SVEP1: variants seen among roughly 807,000 people sequenced by gnomAD.
The protein encoded by SVEP1 is sushi, von Willebrand factor type A, EGF and pentraxin domain containing 1.
In SVEP1, 164 loss-of-function variants were observed where a neutral mutation model predicts 367.3. That is an observed-to-expected ratio of 0.45 (90% CI 0.39 to 0.51). The LOEUF (loss-of-function observed/expected upper bound fraction) is 0.51, where lower values mean the gene tolerates loss of function less well. SVEP1 is among the 20% of genes least tolerant of loss of function. The probability of loss-of-function intolerance (pLI) is 0.00; values close to 1 mark genes in which losing one functional copy is unlikely to be tolerated. For synonymous variants in SVEP1, 1,666 were observed against 1,611.6 expected (o/e 1.03, Z -0.81); for missense variants, 4,117 against 4,425.3 (o/e 0.93, Z 1.98).
At chr9:110,489,539 T>A in intron 9 of SVEP1, 111 bp downstream of exon 9, 1 of 1,037,586 alleles carries the variant, frequency 9.6e-7, no homozygotes. Context: ...AAGACCCACC[T>A]CTATGATTCA....
In SVEP1 at chr9:110,429,962, A is replaced by G. The variant is rs1351669291; in HGVS notation, c.5573T>C (p.Ile1858Thr). 9 of 1,612,828 alleles carry G rather than the reference A, an allele frequency of 5.6e-6. No individual in the cohort carries two copies. Among genetic ancestry groups the G allele is most frequent in the South Asian group, 2.2e-5 (2 of 91,080 alleles). Reference protein sequence around the residue: ...GKPAIPENGCIEELAFTFGSK... With the variant: ...GKPAIPENGCTEELAFTFGSK... ...GCCAAAAGTAAATGCTAACTCCTCA[A>G]TGCAACCATTTTCTGGAATAGCCGG... The change falls in exon 34 of 48, where the codon ATT (isoleucine) becomes ACT (threonine). Residue 1858 changes from isoleucine to threonine, a missense_variant. Around this residue, in one of 4 missense-constraint regions of SVEP1, gnomAD observed 2,174 missense variants for 2,494.3 expected, o/e 0.87. Transcript: ENST00000374469.
At chr9:110,487,499 AAT>A (rs1491543110) in intron 9 of SVEP1, among the ~76,000 whole-genome samples, 2 of 152,236 alleles carry the variant, frequency 1.3e-5, no homozygotes, top group Non-Finnish European at 2.9e-5. Flanking sequence ...AGCATTGTGA[AAT>A]AGTCTGATTT....
At chr9:110,507,332 G>A (rs761658493) in intron 5 of SVEP1, among the ~76,000 whole-genome samples, 24 of 152,142 alleles carry the variant, frequency 1.6e-4, no homozygotes, top group Admixed American at 1.4e-3. Flanking sequence ...ATTTAGTTAC[G>A]TCAAAGACAA....
At position 110,549,262 on chromosome 9, in the gene SVEP1, T is replaced by A. The variant is rs539284964; in HGVS notation, c.787+587A>T. Among the ~76,000 whole-genome samples, 8 of 152,186 alleles carry A rather than the reference T, an allele frequency of 5.3e-5. No homozygotes were observed. In the East Asian group the frequency reaches 1.3e-3, roughly 26 times the overall value. ...TAATGTATAATTATGATTTAATTTT[T>A]AAATTATAATTTATAATTAAATTAT... On this transcript the variant is annotated intron_variant, in intron 2 of 47. Coordinates refer to ENST00000374469, the MANE Select transcript of SVEP1 (RefSeq NM_153366.4).
chr9:110,370,683 A>G (rs142680600), intron 46 of SVEP1, among the ~76,000 whole-genome samples: 2 of 152,352 alleles, frequency 1.3e-5, no homozygotes, highest in East Asian at 1.9e-4. Context: ...TCACAAATCC[A>G]TAATCTCATA....
chr9:110,542,973 A>ATAT (rs879839087), intron 3 of SVEP1, among the ~76,000 whole-genome samples: 79 of 147,270 alleles, frequency 5.4e-4, no homozygotes, highest in East Asian at 2.0e-3. Flanking sequence ...ATTAAAAAAA[A>ATAT]ATATATATAT....
At position 110,579,062 on chromosome 9, in the gene SVEP1, G is replaced by A. The variant is rs1830660443; in HGVS notation, c.482C>T (p.Ser161Phe). Reference sequence around the variant, plus strand: ...GGTGTAGGTGCCGCCACCTCGGTAGGAGATGGCAGGGATCTCTTGGAGGAG... The same window carrying A: ...GGTGTAGGTGCCGCCACCTCGGTAGAAGATGGCAGGGATCTCTTGGAGGAG... Reference protein sequence around the residue: ...ALLLQEIPAISYRGGGTYTKG... With the variant: ...ALLLQEIPAIFYRGGGTYTKG... The change falls in exon 1 of 48, where the codon TCC becomes TTC. Residue 161 changes from serine (S) to phenylalanine (F), a missense_variant. Physicochemically the swap from Ser to Phe is radical, Grantham distance 155. Around this residue, in one of 4 missense-constraint regions of SVEP1, gnomAD observed 2,174 missense variants for 2,494.3 expected, o/e 0.87. Coordinates refer to ENST00000374469, the MANE Select transcript of SVEP1 (RefSeq NM_153366.4). The surrounding 1 kb of genome is among the most constrained non-coding windows in gnomAD (Gnocchi z 5.3). 6.4e-7 allele frequency: 1 copy of A among 1,550,640 alleles called. No individual in the cohort carries two copies. Among genetic ancestry groups the A allele is most frequent in the Non-Finnish European group, 8.7e-7 (1 of 1,147,060 alleles).
intron 1 of SVEP1, among the ~76,000 whole-genome samples, chr9:110,557,647 A>G (rs997149171): frequency 6.6e-6 from 1 of 152,208 alleles, no homozygotes; most frequent in African/African-American, 2.4e-5. Context: ...ACCATCCATG[A>G]ATGAAGACAT....
chr9:110,398,095 T>A (rs1399709616), intron 40 of SVEP1, among the ~76,000 whole-genome samples: 2 of 151,284 alleles, frequency 1.3e-5, no homozygotes, highest in Admixed American at 6.6e-5. Context: ...CAAACCATAC[T>A]ACAAGGCTAC....
At chr9:110,484,029 A>G (rs1829239777) in intron 9 of SVEP1, among the ~76,000 whole-genome samples, 1 of 152,138 alleles carries the variant, frequency 6.6e-6, no homozygotes, top group Admixed American at 6.5e-5. Flanking sequence ...ACTGGAAGGG[A>G]AGAGAACCAT....
chr9:110,396,922 GA>G (rs1488448834), intron 40 of SVEP1, among the ~76,000 whole-genome samples: 1 of 152,000 alleles, frequency 6.6e-6, no homozygotes, highest in Admixed American at 6.6e-5. Flanking sequence ...GTACAAGGAG[GA>G]GCTGGTACCA....
intron 36 of SVEP1, 82 bp from the exon 37 acceptor site, chr9:110,411,817 C>G (rs41278441): frequency 0.036 from 45,877 of 1,277,192 alleles, 901 homozygotes; most frequent in East Asian, 0.055. Context: ...TTTTTTAAAT[C>G]TTTCCCACAA....
intron 25 of SVEP1, 104 bp from the exon 26 acceptor site, chr9:110,446,142 G>T: frequency 1.0e-6 from 1 of 992,810 alleles, no homozygotes; most frequent in Non-Finnish European, 1.5e-6. Flanking sequence ...CAGTGAATAT[G>T]ATTATCTAAG....
At chr9:110,524,730 TA>T (rs1464078052) in intron 3 of SVEP1, among the ~76,000 whole-genome samples, 3 of 151,522 alleles carry the variant, frequency 2.0e-5, no homozygotes, top group Non-Finnish European at 4.4e-5. Context: ...TTTTTTTTTT[TA>T]AGCAGGGTCT....
rs1346977441 is a variant in SVEP1 at position 110,407,306 on chromosome 9, C to T, written c.8294G>A (p.Gly2765Asp). ...AATGGCTTCACAGCGTGGGGAGGCA[C>T]CACTCCACTTTCTATTCTCTAGACA... ...RLCLENRKWSGASPRCEAISC... is the reference protein window; with the variant it reads ...RLCLENRKWSDASPRCEAISC... The change falls in exon 38 of 48, where the codon GGT becomes GAT. Residue 2765 changes from glycine (G) to aspartate (D), a missense_variant. Gly to Asp is a moderately conservative substitution (Grantham distance 94). This residue lies in a region of SVEP1 where 1,765 missense variants were observed against 1,781.1 expected (regional missense o/e 0.99). Transcript: ENST00000374469. The T allele has an allele frequency of 2.5e-6, 4 of 1,613,866 alleles. No homozygotes were observed. In the East Asian group the frequency reaches 8.9e-5, roughly 36 times the overall value.
chr9:110,451,793 G>A (rs1208651400), intron 22 of SVEP1, among the ~76,000 whole-genome samples: 1 of 152,120 alleles, frequency 6.6e-6, no homozygotes, highest in Non-Finnish European at 1.5e-5. Context: ...AATTATGGGA[G>A]AAATATATTG....
chr9:110,373,458 A>G (rs1276481693), intron 46 of SVEP1, among the ~76,000 whole-genome samples: 2 of 152,108 alleles, frequency 1.3e-5, no homozygotes, highest in Non-Finnish European at 2.9e-5. Context: ...GCTAAATTAT[A>G]TGGTCTTTCC....
At chr9:110,517,417 G>T (rs555863340) in intron 3 of SVEP1, among the ~76,000 whole-genome samples, 4 of 151,996 alleles carry the variant, frequency 2.6e-5, no homozygotes, top group African/African-American at 9.7e-5. Flanking sequence ...GGCCAACATG[G>T]TGAAACCCCA....
rs71373993 is a variant in SVEP1, at chr9:110,375,465, T to TAAAAAA, written c.10505-8_10505-3dup. 11,901 of 553,656 alleles carry TAAAAAA rather than the reference T, an allele frequency of 0.021. 663 individuals carry two copies. The highest frequency in any genetic ancestry group is 0.043 in the African/African-American group (1,585 of 36,936). The allele number at this position is 553,656 out of a possible 1,614,324, so 34.3% of individuals were successfully genotyped here. ...TCAGACAGGGAAGAATGCAGATTGCTAAAAAAAAAAAAAAAAAAAAAAAAA... is the reference window on the plus strand; with the variant it reads ...TCAGACAGGGAAGAATGCAGATTGCTAAAAAAAAAAAAAAAAAAAAAAAAAAAAAAA... On this transcript the variant is annotated splice_region_variant and splice_polypyrimidine_tract_variant and intron_variant, in intron 45 of 47. Coordinates refer to ENST00000374469, the MANE Select transcript of SVEP1 (RefSeq NM_153366.4).
Sources: gnomAD v4.1 joint callset for allele counts (sites outside exome capture counted in the v4.1 genomes callset) on GRCh38, gnomAD v4.1.1 for gene constraint, gnomAD v4.1.1 regional missense constraint, Gnocchi (gnomAD v3.1) non-coding constraint, MANE v1.5 for transcripts, NCBI Gene and HGNC (gene_info 2026-07-23, HGNC 2026-07-21) for gene names.